KLHL10: variants seen among roughly 807,000 people sequenced by gnomAD.
The protein encoded by KLHL10 is kelch-like protein 10.
Under a neutral mutation model 46.6 loss-of-function variants are expected in KLHL10, and 11 were observed. That is an observed-to-expected ratio of 0.24 (90% CI 0.15 to 0.39). The LOEUF (loss-of-function observed/expected upper bound fraction) is 0.39, where lower values mean the gene tolerates loss of function less well. Among genes scored for constraint, KLHL10 ranks in the 10% least tolerant of loss-of-function variants. The pLI is 1.00. For synonymous variants in KLHL10, 254 were observed against 279.1 expected, an observed-to-expected ratio of 0.91 and a Z score of 0.90; for missense variants, 475 against 789.8, an observed-to-expected ratio of 0.60 and a Z score of 4.78.
At chr17:41,844,191 C>T (rs2048256495) in intron 2 of KLHL10, among the ~76,000 whole-genome samples, 2 of 151,822 alleles carry the variant, frequency 1.3e-5, no homozygotes, top group Non-Finnish European at 2.9e-5. Context: ...TCCAGAGTAG[C>T]TGGGACTACA....
chr17:41,837,852 GC>G lies in KLHL10; in HGVS notation c.-80del. 6.2e-7 allele frequency: 1 copy of G among 1,601,384 alleles called. No individual in the cohort carries two copies. The highest frequency in any genetic ancestry group is 8.5e-7 in the Non-Finnish European group (1 of 1,177,734). ...ACAAAAGATGTAGTAGGGAAAAGGA[GC>G]GACAGCTGGCTAAAGGGGCCCCCCA... On this transcript the variant is annotated 5_prime_UTR_variant, in exon 1 of 5. Transcript: ENST00000293303.
chr17:41,836,586 G>A, upstream of KLHL10: 4 of 349,146 alleles, frequency 1.1e-5, no homozygotes, highest in Non-Finnish European at 1.6e-5. Flanking sequence ...ACTTTGGGAG[G>A]CCGAGGCAGG....
In KLHL10 at chr17:41,842,137, A is replaced by C. The variant is rs200286521; in HGVS notation, c.509A>C (p.Glu170Ala). ...ATGTTCATACTGCACAACTTTGAGG[A>C]GATGGTGAAAGTCTCGGCAGAATTT... Reference protein sequence around the residue: ...AYMFILHNFEEMVKVSAEFLE... With the variant: ...AYMFILHNFEAMVKVSAEFLE... Residue 170 changes from glutamate (E) to alanine (A), a missense_variant, in exon 2 of 5, where the codon GAG (glutamate) becomes GCG (alanine). Transcript: ENST00000293303. 4.4e-5 allele frequency: 71 copies of C among 1,614,164 alleles called. No homozygotes were observed. The Admixed American group carries it at 8.0e-4, about 18-fold the overall frequency.
At chr17:41,837,604 T>G (rs2048178483), upstream of KLHL10, 5 of 1,124,278 alleles carry the variant, frequency 4.4e-6, no homozygotes, top group South Asian at 6.8e-5. Context: ...TAACAGGAGC[T>G]GGAATCAATA....
At chr17:41,837,728 A>G, upstream of KLHL10, 1 of 1,333,186 alleles carries the variant, frequency 7.5e-7, no homozygotes, top group East Asian at 2.6e-5. Context: ...AAGGAAGAGG[A>G]CAAGTCCAGG....
upstream of KLHL10, chr17:41,837,807 G>A: frequency 6.5e-7 from 1 of 1,527,648 alleles, no homozygotes. Flanking sequence ...CTGGAACTTG[G>A]GTTGCCTGAT....
In KLHL10 at chr17:41,837,834, A is replaced by T. The variant is rs2144119057; in HGVS notation, c.-99A>T. On this transcript the variant is annotated 5_prime_UTR_variant, in exon 1 of 5. The change abolishes an upstream ATG in the 5' untranslated region. Coordinates refer to ENST00000293303, the MANE Select transcript of KLHL10 (RefSeq NM_152467.5). ...TTGCCTGATAGACCCTATACAAAAG[A>T]TGTAGTAGGGAAAAGGAGCGACAGC... 4 of 1,589,100 alleles carry T rather than the reference A, an allele frequency of 2.5e-6. No homozygotes were observed. Among genetic ancestry groups the T allele is most frequent in the Non-Finnish European group, 3.4e-6 (4 of 1,173,782 alleles).
At chr17:41,844,497 G>T (rs2048260975) in intron 2 of KLHL10, among the ~76,000 whole-genome samples, 3 of 147,862 alleles carry the variant, frequency 2.0e-5, no homozygotes, top group African/African-American at 7.5e-5. Context: ...CTCCCAAAAT[G>T]TTGGGATTGC....
Position 41,848,229 on chromosome 17 carries a change from T to G in KLHL10, c.1749T>G (p.Ala583=). The G allele has an allele frequency of 6.2e-7, 1 of 1,614,084 alleles. No individual in the cohort carries two copies. Among genetic ancestry groups the G allele is most frequent in the Non-Finnish European group, 8.5e-7 (1 of 1,179,972 alleles). ...TGGCCAATGTTGAGGAATATGCAGC[T>G]AGACGGGACAACTTCCCAGGATTAG... ...PGLANVEEYA[A]RRDNFPGLAL... The change falls in exon 5 of 5, where the codon GCT becomes GCG. Residue 583 remains alanine (A), a synonymous_variant. Transcript: ENST00000293303.
At chr17:41,847,455 C>G (rs1555621582) in intron 4 of KLHL10, 45 bp downstream of exon 4, 1 of 1,610,596 alleles carries the variant, frequency 6.2e-7, no homozygotes, top group Admixed American at 1.7e-5. Flanking sequence ...CACATTACCC[C>G]TAGATTTTGT....
intron 2 of KLHL10, among the ~76,000 whole-genome samples, chr17:41,842,666 G>A (rs1311476401): frequency 2.0e-5 from 3 of 152,122 alleles, no homozygotes; most frequent in South Asian, 2.1e-4. Flanking sequence ...ATTTGGCCAG[G>A]TGCAGTGGCT....
At chr17:41,846,634 G>T (rs1555621457) in intron 3 of KLHL10, among the ~76,000 whole-genome samples, 1 of 151,808 alleles carries the variant, frequency 6.6e-6, no homozygotes. Context: ...ATCACTTGAG[G>T]TCAGGAGTTT....
chr17:41,845,769 G>A, intron 3 of KLHL10, 26 bp downstream of exon 3: 1 of 1,613,754 alleles, frequency 6.2e-7, no homozygotes, highest in African/African-American at 1.3e-5. Context: ...GGGAGGGGAA[G>A]ATGTGGATGC....
chr17:41,844,238 T>C (rs201606634), intron 2 of KLHL10, among the ~76,000 whole-genome samples: 2 of 146,104 alleles, frequency 1.4e-5, no homozygotes, highest in African/African-American at 2.6e-5. Context: ...TTTTTTTTTT[T>C]CTTTTTTTTT....
At chr17:41,836,309 C>CG, upstream of KLHL10, 2 of 796,722 alleles carry the variant, frequency 2.5e-6, no homozygotes, top group Non-Finnish European at 3.1e-6. Context: ...GGGGGCGGGG[C>CG]GGGGGTGGGG....
chr17:41,845,867 C>A, intron 3 of KLHL10, 124 bp downstream of exon 3: 1 of 1,228,342 alleles, frequency 8.1e-7, no homozygotes, highest in Non-Finnish European at 1.2e-6. Context: ...CTCATTCTTT[C>A]TTCAATTGAC....
In KLHL10 at chr17:41,846,109, G is replaced by A. The variant is rs371167454; in HGVS notation, c.1302+366G>A. Among the ~76,000 whole-genome samples the A allele has an allele frequency of 1.8e-3, 268 of 152,012 alleles. 4 individuals carry two copies. The highest frequency in any genetic ancestry group is 6.2e-3 in the African/African-American group (255 of 41,436). On this transcript the variant is annotated intron_variant, in intron 3 of 4. Transcript: ENST00000293303. ...GCCTGTAATCCCACCTACTCGGGAG[G>A]CTGAGGCAGGAGAATCGCTTGAACC...
intron 4 of KLHL10, 90 bp from the exon 5 acceptor site, chr17:41,847,843 T>C: frequency 6.5e-7 from 1 of 1,528,878 alleles, no homozygotes; most frequent in Non-Finnish European, 9.0e-7. Context: ...GAAGAGGGAG[T>C]TATGAGATCA....
upstream of KLHL10, chr17:41,837,538 G>A (rs1440923785): frequency 9.6e-6 from 10 of 1,037,268 alleles, no homozygotes; most frequent in Non-Finnish European, 5.8e-6. Flanking sequence ...GGAGCCAAGT[G>A]TTGGGCTGTG....
Sources: gnomAD v4.1 joint callset for allele counts (sites outside exome capture counted in the v4.1 genomes callset) on GRCh38, gnomAD v4.1.1 for gene constraint, MANE v1.5 for transcripts, NCBI Gene and HGNC (gene_info 2026-07-23, HGNC 2026-07-21) for gene names.